The following MRC1 variants were observed in gnomAD, a reference collection of about 807,000 sequenced individuals.
MRC1 encodes the protein mannose receptor C-type 1.
A neutral mutation model predicts 102.9 loss-of-function variants in MRC1; 62 were observed. The observed-to-expected ratio is 0.60, with a 90% CI of 0.49 to 0.74. MRC1 has a LOEUF of 0.74. Among genes scored for constraint, MRC1 ranks in the 30% least tolerant of loss-of-function variants. The probability of loss-of-function intolerance (pLI) is 0.00; values close to 1 mark genes in which losing one functional copy is unlikely to be tolerated. For missense variants in MRC1, 1,237 were observed against 862.8 expected, an observed-to-expected ratio of 1.43 and a Z score of -5.43; for synonymous variants, 457 against 298.4, an observed-to-expected ratio of 1.53 and a Z score of -5.48.
chr10:17,811,101 A>G (rs1430798170), intron 1 of MRC1, among the ~76,000 whole-genome samples: 5 of 152,192 alleles, frequency 3.3e-5, no homozygotes, highest in African/African-American at 1.2e-4. Context: ...CCCTGATATT[A>G]TTAATGTATT....
intron 26 of MRC1, among the ~76,000 whole-genome samples, chr10:17,905,071 G>A (rs988475183): frequency 6.6e-5 from 10 of 152,120 alleles, no homozygotes; most frequent in African/African-American, 2.4e-4. Flanking sequence ...CTTTGCGAGT[G>A]GGGTTTTCTA....
chr10:17,861,172 G>T (rs1053884387), intron 9 of MRC1, among the ~76,000 whole-genome samples: 1 of 152,176 alleles, frequency 6.6e-6, no homozygotes, highest in African/African-American at 2.4e-5. Flanking sequence ...ATTTGGCCGG[G>T]TGTGGTGGCA....
intron 1 of MRC1, among the ~76,000 whole-genome samples, chr10:17,819,535 G>T (rs1196700829): frequency 1.3e-5 from 2 of 151,828 alleles, no homozygotes; most frequent in East Asian, 3.9e-4. Context: ...GAGAGAGAGA[G>T]AGTTATTTAA....
intron 24 of MRC1, among the ~76,000 whole-genome samples, chr10:17,900,464 T>C (rs1312088752): frequency 1.3e-5 from 2 of 152,126 alleles, no homozygotes; most frequent in South Asian, 2.1e-4. Flanking sequence ...GTTATGAAGA[T>C]AAAACTTCTC....
chr10:17,866,595 G>C lies in MRC1; in HGVS notation c.1817G>C (p.Gly606Ala). Residue 606 changes from glycine (G) to alanine (A), a missense_variant, in exon 12 of 30, where the codon GGG becomes GCG. By Grantham distance (60) the Gly-to-Ala change is moderately conservative (BLOSUM62 0). Transcript: ENST00000569591. ...CCAGGGTGTGTTGCCATGAGAACCGGGATTGCAGGGGGCTTATGGGATGTT... is the reference window on the plus strand; with the variant it reads ...CCAGGGTGTGTTGCCATGAGAACCGCGATTGCAGGGGGCTTATGGGATGTT... Reference protein sequence around the residue: ...RKPGCVAMRTGIAGGLWDVLK... With the variant: ...RKPGCVAMRTAIAGGLWDVLK... 1 of 780,778 alleles carries C rather than the reference G, an allele frequency of 1.3e-6. No homozygotes were observed. Among genetic ancestry groups the C allele is most frequent in the East Asian group, 2.4e-5 (1 of 41,230 alleles). The allele number at this position is 780,778 out of a possible 1,614,324, so 48.4% of individuals were successfully genotyped here.
chr10:17,819,351 G>T (rs1035290350), intron 1 of MRC1, among the ~76,000 whole-genome samples: 26 of 152,252 alleles, frequency 1.7e-4, no homozygotes, highest in African/African-American at 4.8e-4. Flanking sequence ...ATTTTCAAGA[G>T]AGGAAGATTA....
intron 13 of MRC1, among the ~76,000 whole-genome samples, 156 bp downstream of exon 13, chr10:17,870,529 G>A (rs1423125607): frequency 1.3e-5 from 2 of 151,996 alleles, no homozygotes; most frequent in African/African-American, 2.4e-5. Context: ...ATCTAGTTTC[G>A]CTTTCAAATC....
At chr10:17,905,485 T>G (rs1192150132) in intron 26 of MRC1, among the ~76,000 whole-genome samples, 1 of 152,080 alleles carries the variant, frequency 6.6e-6, no homozygotes, top group African/African-American at 2.4e-5. Context: ...CTTTTGTAAT[T>G]AAAAAAATGT....
At chr10:17,840,545 A>G in intron 4 of MRC1, 148 bp from the exon 5 acceptor site, 1 of 658,972 alleles carries the variant, frequency 1.5e-6, no homozygotes, top group South Asian at 1.8e-5. Flanking sequence ...TTAGGTTGTC[A>G]GGAGAATCAA....
At chr10:17,826,511 G>A (rs533197336) in intron 2 of MRC1, among the ~76,000 whole-genome samples, 5 of 133,332 alleles carry the variant, frequency 3.8e-5, no homozygotes, top group East Asian at 2.1e-4. Context: ...TTTTCAAGTC[G>A]TAGAATCTGC....
intron 10 of MRC1, among the ~76,000 whole-genome samples, chr10:17,862,105 A>T (rs1833193038): frequency 6.6e-6 from 1 of 152,212 alleles, no homozygotes; most frequent in South Asian, 2.1e-4. Flanking sequence ...AAAATGGAAA[A>T]GTATCTATTT....
At chr10:17,834,220 T>C (rs1236057588) in intron 4 of MRC1, among the ~76,000 whole-genome samples, 2 of 152,144 alleles carry the variant, frequency 1.3e-5, no homozygotes, top group Non-Finnish European at 2.9e-5. Context: ...ATTAGCCTCA[T>C]AGAGGTCAAA....
chr10:17,905,445 C>T (rs1396229324), intron 26 of MRC1, among the ~76,000 whole-genome samples: 1 of 152,110 alleles, frequency 6.6e-6, no homozygotes, highest in Non-Finnish European at 1.5e-5. Context: ...TTCTGCATTT[C>T]TCATGATGTC....
chr10:17,870,995 G>T, intron 14 of MRC1, 60 bp downstream of exon 14: 2 of 839,206 alleles, frequency 2.4e-6, no homozygotes, highest in Non-Finnish European at 2.1e-6. Context: ...TTTTGATGTT[G>T]TCTTTTTTTT....
chr10:17,860,749 C>T (rs1029160055), intron 9 of MRC1, among the ~76,000 whole-genome samples: 3 of 152,164 alleles, frequency 2.0e-5, no homozygotes, highest in Non-Finnish European at 4.4e-5. Context: ...CTGTGGTTAC[C>T]TATTCTAAAA....
intron 23 of MRC1, among the ~76,000 whole-genome samples, chr10:17,896,132 G>A (rs1833751843): frequency 6.6e-6 from 1 of 152,154 alleles, no homozygotes; most frequent in African/African-American, 2.4e-5. Context: ...GTTGAAGGTG[G>A]TGAGGGTTGC....
chr10:17,863,792 T>C (rs1833221537), intron 11 of MRC1, 110 bp downstream of exon 11: 1 of 682,144 alleles, frequency 1.5e-6, no homozygotes, highest in Non-Finnish European at 2.7e-6. Context: ...TTAGTCATGC[T>C]TTTAGTAACA....
intron 18 of MRC1, among the ~76,000 whole-genome samples, 159 bp downstream of exon 18, chr10:17,878,126 A>G (rs1011496463): frequency 3.6e-4 from 55 of 152,354 alleles, no homozygotes; most frequent in Admixed American, 9.8e-4. Flanking sequence ...AAATGATTCT[A>G]TTAAATATTT....
chr10:17,856,378 T>G, intron 9 of MRC1, 26 bp downstream of exon 9: 1 of 829,154 alleles, frequency 1.2e-6, no homozygotes, highest in Non-Finnish European at 2.1e-6. Context: ...CCACAGTGAC[T>G]TAAGCTGAGC....
Sources: allele counts gnomAD v4.1 joint callset (sites outside exome capture counted in the v4.1 genomes callset), GRCh38; gene constraint gnomAD v4.1.1; transcripts MANE v1.5; gene names NCBI Gene and HGNC (gene_info 2026-07-23, HGNC 2026-07-21).